The following NLRP12 variants were observed in gnomAD, a reference collection of about 807,000 sequenced individuals.
The protein encoded by NLRP12 is NLR family pyrin domain containing 12, also known as NACHT, LRR and PYD domains-containing protein 12.
In NLRP12, 108 loss-of-function variants were observed where a neutral mutation model predicts 91.2. The ratio of observed to expected loss-of-function variants is 1.18; its 90% CI spans 1.01 to 1.39. The LOEUF (loss-of-function observed/expected upper bound fraction) is 1.39, where lower values mean the gene tolerates loss of function less well. NLRP12 is among the 40% of genes most tolerant of loss of function. The probability of loss-of-function intolerance (pLI) is 0.00; values close to 1 mark genes in which losing one functional copy is unlikely to be tolerated. For synonymous variants in NLRP12, 613 were observed against 566.7 expected, an observed-to-expected ratio of 1.08 and a Z score of -1.16; for missense variants, 1,530 against 1,352.7, an observed-to-expected ratio of 1.13 and a Z score of -2.06.
At chr19:53,798,952 G>A (rs1175157136) in intron 7 of NLRP12, among the ~76,000 whole-genome samples, 3 of 151,322 alleles carry the variant, frequency 2.0e-5, no homozygotes, top group Admixed American at 6.6e-5. Context: ...ATGTTGGTCA[G>A]GCTGGTTTCG....
At chr19:53,811,438 C>T (rs911962803) in intron 2 of NLRP12, 150 bp from the exon 3 acceptor site, 8 of 889,702 alleles carry the variant, frequency 9.0e-6, no homozygotes, top group Admixed American at 2.0e-5. Context: ...CACTTGAACC[C>T]CTGAGGTGGA....
At chr19:53,822,669 G>A (rs893002782) in intron 1 of NLRP12, among the ~76,000 whole-genome samples, 10 of 151,048 alleles carry the variant, frequency 6.6e-5, no homozygotes, top group Middle Eastern at 3.4e-3. Context: ...CCTGGGAGAC[G>A]GAGGTTGCAG....
At position 53,801,395 on chromosome 19, in the gene NLRP12, A is replaced by T. The variant is rs1458339356; in HGVS notation, c.2588T>A (p.Leu863Gln). The change falls in exon 7 of 10, where the codon CTG becomes CAG. Residue 863 changes from leucine to glutamine, a missense_variant and splice_region_variant. Coordinates refer to ENST00000324134, the MANE Select transcript of NLRP12 (RefSeq NM_144687.4). ...AGCAGCAGTGAGGCGGCAGATCTTC[A>T]GCCTGCACAAAGTCCAATTCAACAA... Reference protein sequence around the residue: ...HPVCRLRTLWLKICRLTAAAC... With the variant: ...HPVCRLRTLWQKICRLTAAAC... 3.1e-6 allele frequency: 5 copies of T among 1,612,610 alleles called. No homozygotes were observed. The highest frequency in any genetic ancestry group is 4.2e-6 in the Non-Finnish European group (5 of 1,179,734).
In NLRP12 at chr19:53,795,966, G is replaced by C. The variant is rs1334288624; in HGVS notation, c.2991C>G (p.Asn997Lys). ...TCAGGTAAAGGTCGGTCAAGGTCTG[G>C]TTGATCCCCAGGGTGAAGTAAAGAT... Reference protein sequence around the residue: ...CENLYFTLGINQTLTDLYLTN... With the variant: ...CENLYFTLGIKQTLTDLYLTN... Residue 997 changes from asparagine (N) to lysine (K), a missense_variant, in exon 9 of 10, where the codon AAC becomes AAG. By Grantham distance (94) the Asn-to-Lys change is moderately conservative. Coordinates refer to ENST00000324134, the MANE Select transcript of NLRP12 (RefSeq NM_144687.4). 6.2e-7 allele frequency: 1 copy of C among 1,614,146 alleles called. No individual in the cohort carries two copies.
chr19:53,805,797 C>T (rs1367758269), intron 4 of NLRP12: 6 of 350,806 alleles, frequency 1.7e-5, no homozygotes, highest in Admixed American at 8.4e-5. Context: ...GAATTACAGG[C>T]GTGAGCCATC....
rs2092043514 is a variant in NLRP12 at position 53,810,271 on chromosome 19, G to A, written c.1388C>T (p.Ser463Phe). 5 of 1,613,940 alleles carry A rather than the reference G, an allele frequency of 3.1e-6. No individual in the cohort carries two copies. The highest frequency in any genetic ancestry group is 4.2e-6 in the Non-Finnish European group (5 of 1,180,046). ...QPPPNQRGLC[S>F]LAADGLWNQK... ...ATTCCAGAGCCCATCTGCCGCCAAG[G>A]AGCACAACCCTCTCTGGTTGGGTGG... Residue 463 changes from serine (S) to phenylalanine (F), a missense_variant, in exon 3 of 10, where the codon TCC (serine) becomes TTC (phenylalanine). By Grantham distance (155) the Ser-to-Phe change is radical. Coordinates refer to ENST00000324134, the MANE Select transcript of NLRP12 (RefSeq NM_144687.4).
chr19:53,804,725 TA>T (rs1239950728), intron 5 of NLRP12, among the ~76,000 whole-genome samples: 8 of 144,362 alleles, frequency 5.5e-5, no homozygotes, highest in South Asian at 2.3e-4. Flanking sequence ...CCTGGCTAAT[TA>T]AAAAAAAAAA....
intron 3 of NLRP12, chr19:53,808,765 G>A (rs2122647161): frequency 6.6e-6 from 1 of 152,308 alleles, no homozygotes; most frequent in East Asian, 1.9e-4. Context: ...TAGTCCCAAT[G>A]GGTGTTGTTT....
intron 5 of NLRP12, 21 bp from the exon 6 acceptor site, chr19:53,804,143 G>C: frequency 6.2e-7 from 1 of 1,613,402 alleles, no homozygotes; most frequent in Non-Finnish European, 8.5e-7. Flanking sequence ...AGGAGAGGTT[G>C]AAGGGGACGC....
intron 3 of NLRP12, 41 bp from the exon 4 acceptor site, chr19:53,807,706 T>A (rs1360613423): frequency 5.0e-6 from 8 of 1,609,000 alleles, no homozygotes; most frequent in South Asian, 1.1e-5. Flanking sequence ...GTGTTACTGG[T>A]GCTTGACAAC....
Position 53,803,984 on chromosome 19 carries a change from C to T in NLRP12, c.2553G>A (p.Leu851=), listed in dbSNP as rs2091914684. 4 of 1,614,174 alleles carry T rather than the reference C, an allele frequency of 2.5e-6. No homozygotes were observed. The highest frequency in any genetic ancestry group is 3.3e-5 in the Admixed American group (2 of 59,996). ...DLGLRLLCQG[L]RHPVCRLRTL... ...TCCGTAGTCTGCAGACTGGGTGCCTCAGTCCCTGGCATAGTAACCTCAGGC... is the reference window on the plus strand; with the variant it reads ...TCCGTAGTCTGCAGACTGGGTGCCTTAGTCCCTGGCATAGTAACCTCAGGC... The change falls in exon 6 of 10, where the codon CTG becomes CTA. Residue 851 remains leucine (L), a synonymous_variant. Coordinates refer to ENST00000324134, the MANE Select transcript of NLRP12 (RefSeq NM_144687.4).
intron 1 of NLRP12, among the ~76,000 whole-genome samples, chr19:53,819,668 CAT>C (rs2092236768): frequency 8.1e-4 from 7 of 8,638 alleles, no homozygotes; most frequent in African/African-American, 1.2e-3. Flanking sequence ...CACATGTATA[CAT>C]ATATGTATGT....
Position 53,798,404 on chromosome 19 carries a change from G to A in NLRP12, c.2766C>T (p.Ile922=), listed in dbSNP as rs1430424840. ...TCKLQTLRLG[I]CRLGSAACEG... ...CACAGGCGGCAGAGCCCAGCCGGCA[G>A]ATGCCCAACCTGCAAAGACAGGATG... Residue 922 remains isoleucine (I), a synonymous_variant, in exon 8 of 10, where the codon ATC becomes ATT. Coordinates refer to ENST00000324134, the MANE Select transcript of NLRP12 (RefSeq NM_144687.4). The A allele has an allele frequency of 1.1e-5, 17 of 1,614,060 alleles. No individual in the cohort carries two copies. The highest frequency in any genetic ancestry group is 1.4e-5 in the Non-Finnish European group (17 of 1,179,992).
At chr19:53,805,599 CCT>C in intron 4 of NLRP12, 149 bp from the exon 5 acceptor site, 2 of 787,830 alleles carry the variant, frequency 2.5e-6, no homozygotes, top group Non-Finnish European at 4.1e-6. Flanking sequence ...CTTACCACAA[CCT>C]CTGCCTCCTG....
intron 1 of NLRP12, among the ~76,000 whole-genome samples, chr19:53,820,104 CA>C (rs2092244502): frequency 6.6e-6 from 1 of 152,060 alleles, no homozygotes; most frequent in Admixed American, 6.6e-5. Context: ...AAATGTTCAC[CA>C]AAGTTTGCTC....
At chr19:53,803,823 T>C (rs1383620149) in intron 6 of NLRP12, 129 bp downstream of exon 6, 1 of 880,546 alleles carries the variant, frequency 1.1e-6, no homozygotes, top group Non-Finnish European at 1.8e-6. Flanking sequence ...ATCTGCCCTC[T>C]TTGGCCTCCC....
chr19:53,807,768 G>C (rs965720336), intron 3 of NLRP12, 103 bp from the exon 4 acceptor site: 9 of 1,388,566 alleles, frequency 6.5e-6, no homozygotes, highest in Non-Finnish European at 9.1e-6. Context: ...ATCCTTTTTT[G>C]AGACGGAGTT....
At position 53,809,913 on chromosome 19, in the gene NLRP12, C is replaced by T. The variant is rs1282022845; in HGVS notation, c.1746G>A (p.Lys582=). 1.9e-6 allele frequency: 3 copies of T among 1,613,944 alleles called. No individual in the cohort carries two copies. Among genetic ancestry groups the T allele is most frequent in the East Asian group, 4.5e-5 (2 of 44,874 alleles). Residue 582 remains lysine (K), a synonymous_variant, in exon 3 of 10, where the codon AAG becomes AAA. Transcript: ENST00000324134. ...RSHLEKSLCW[K]VSPHIKMDLL... ...GGTCCATCTTGATGTGCGGCGAGAC[C>T]TTCCAGCAGAGACTCTTCTCCAGGT...
chr19:53,809,639 C>G lies in NLRP12; in HGVS notation c.2020G>C (p.Gly674Arg), dbSNP rs139937024. The change falls in exon 3 of 10, where the codon GGG becomes CGG. Residue 674 changes from glycine to arginine, a missense_variant. Gly to Arg is a moderately radical substitution (Grantham distance 125). Transcript: ENST00000324134. ...HLYGATYSAD[G>R]EDRARCSAGA... ...GCGGAGCACCTCGCGCGGTCTTCCC[C>G]GTCCGCGCTGTAGGTGGCGCCATAC... 5.6e-6 allele frequency: 9 copies of G among 1,613,654 alleles called. No individual in the cohort carries two copies. Among genetic ancestry groups the G allele is most frequent in the East Asian group, 4.5e-5 (2 of 44,888 alleles).
Sources: gnomAD v4.1 joint callset for allele counts (sites outside exome capture counted in the v4.1 genomes callset) on GRCh38, gnomAD v4.1.1 for gene constraint, MANE v1.5 for transcripts, NCBI Gene and HGNC (gene_info 2026-07-23, HGNC 2026-07-21) for gene names.